ZMIZ1: variants seen among roughly 807,000 people sequenced by gnomAD.
ZMIZ1 encodes the protein zinc finger MIZ domain-containing protein 1.
In ZMIZ1, 17 loss-of-function variants were observed where a neutral mutation model predicts 113.9. The observed-to-expected ratio is 0.15, with a 90% confidence interval of 0.10 to 0.22. The LOEUF (loss-of-function observed/expected upper bound fraction) is 0.22. Among genes scored for constraint, ZMIZ1 ranks in the 10% least tolerant of loss-of-function variants. The pLI, the probability that ZMIZ1 is intolerant of heterozygous loss-of-function variation, is 1.00. For missense variants in ZMIZ1, 1,059 were observed against 1,477.8 expected, an observed-to-expected ratio of 0.72 and a Z score of 4.65; for synonymous variants, 607 against 603.1, an observed-to-expected ratio of 1.01 and a Z score of -0.09.
At chr10:79,251,432 G>A (rs556339116) in intron 7 of ZMIZ1, among the ~76,000 whole-genome samples, 13 of 152,240 alleles carry the variant, frequency 8.5e-5, no homozygotes, top group Admixed American at 3.3e-4. Flanking sequence ...TGTGGGAGGC[G>A]TGTTCCTCTG....
Position 79,296,604 on chromosome 10 carries a change from G to C in ZMIZ1, c.1364G>C (p.Ser455Thr). 6.2e-7 allele frequency: 1 copy of C among 1,609,194 alleles called. No individual in the cohort carries two copies. The highest frequency in any genetic ancestry group is 8.5e-7 in the Non-Finnish European group (1 of 1,177,402). ...YPGQRMPSQP[S>T]SGQYPPPTVN... The stretch of plus-strand genomic sequence containing the variant: ...GGACAGAGGATGCCCAGCCAGCCGA[G>C]CTCCGGGCAGTACCCGCCCCCCACG... The change falls in exon 13 of 25, where the codon AGC (serine) becomes ACC (threonine). Residue 455 changes from serine (S) to threonine (T), a missense_variant. Transcript: ENST00000334512. This position sits in a 1 kb window ranked among gnomAD's most constrained non-coding sequence, Gnocchi z 4.1.
intron 1 of ZMIZ1, among the ~76,000 whole-genome samples, chr10:79,072,975 C>T (rs772443335): frequency 5.8e-4 from 89 of 152,294 alleles, no homozygotes; most frequent in Admixed American, 1.6e-3. Flanking sequence ...AGCTCCGGGG[C>T]GTTCTGAGGT....
chr10:79,247,316 C>T (rs1564549308), intron 7 of ZMIZ1, among the ~76,000 whole-genome samples: 3 of 152,162 alleles, frequency 2.0e-5, no homozygotes, highest in African/African-American at 7.2e-5. Flanking sequence ...GGAGCCCTTC[C>T]AGGACCCATA....
At chr10:79,222,866 C>T (rs1424845539) in intron 7 of ZMIZ1, among the ~76,000 whole-genome samples, 1 of 152,198 alleles carries the variant, frequency 6.6e-6, no homozygotes, top group Non-Finnish European at 1.5e-5. Flanking sequence ...GGGAGAGGCA[C>T]AGGTGTCAGA....
intron 4 of ZMIZ1, among the ~76,000 whole-genome samples, chr10:79,165,996 GT>G (rs1167058604): frequency 1.9e-3 from 130 of 69,982 alleles, no homozygotes; most frequent in Non-Finnish European, 3.1e-3. Context: ...GTGTGTGTGT[GT>G]GTGTGGGCTC....
chr10:79,251,879 C>T (rs1850574082), intron 7 of ZMIZ1, among the ~76,000 whole-genome samples: 1 of 152,214 alleles, frequency 6.6e-6, no homozygotes, highest in African/African-American at 2.4e-5. Context: ...GCACCCAAAA[C>T]AGAGAAACGC....
intron 1 of ZMIZ1, among the ~76,000 whole-genome samples, chr10:79,094,210 G>A (rs577104853): frequency 6.6e-6 from 1 of 152,302 alleles, no homozygotes; most frequent in East Asian, 1.9e-4. Context: ...AAGCGAGCCG[G>A]GTGAGTCCGG....
At chr10:79,166,260 G>C (rs1379500684) in intron 4 of ZMIZ1, among the ~76,000 whole-genome samples, 1 of 152,208 alleles carries the variant, frequency 6.6e-6, no homozygotes, top group Non-Finnish European at 1.5e-5. Context: ...GCTGCACCAT[G>C]CCACTGTGTC....
At chr10:79,218,410 G>A (rs1277936027) in intron 7 of ZMIZ1, among the ~76,000 whole-genome samples, 1 of 152,084 alleles carries the variant, frequency 6.6e-6, no homozygotes, top group African/African-American at 2.4e-5. Flanking sequence ...GGGAGGTGGA[G>A]GTTGCAGTGA....
At chr10:79,244,654 A>T (rs1850083899) in intron 7 of ZMIZ1, among the ~76,000 whole-genome samples, 1 of 152,232 alleles carries the variant, frequency 6.6e-6, no homozygotes, top group Non-Finnish European at 1.5e-5. Flanking sequence ...CTCTTCCAGC[A>T]GGAAGGCTTT....
rs1170172745 is a variant in ZMIZ1, at chr10:79,243,306, A to G, written c.280+27032A>G. On this transcript the variant is annotated intron_variant, in intron 7 of 24. Transcript: ENST00000334512. The stretch of plus-strand genomic sequence containing the variant: ...GCCCCCGGCCCATCCCCGTCCCTGG[A>G]GAGCTGTCGCTTGCGCCCGGGCGCG... Among the ~76,000 whole-genome samples the G allele has an allele frequency of 2.0e-5, 3 of 149,802 alleles. No homozygotes were observed. The East Asian group carries it at 5.9e-4, about 29-fold the overall frequency.
At chr10:79,189,514 T>A (rs1388723651) in intron 4 of ZMIZ1, among the ~76,000 whole-genome samples, 1 of 152,178 alleles carries the variant, frequency 6.6e-6, no homozygotes, top group Non-Finnish European at 1.5e-5. Flanking sequence ...TGGTTACTGT[T>A]GTTATTATTT....
intron 2 of ZMIZ1, among the ~76,000 whole-genome samples, chr10:79,127,185 CATGCCAGTGCCAGGCATGCTGCCGGCGCT>C (rs2132354599): frequency 6.6e-6 from 1 of 152,308 alleles, no homozygotes; most frequent in Admixed American, 6.5e-5. Flanking sequence ...GAGGAAATGC[CATGCCAGTGCCAGGCATGCTGCCGGCGCT>C]CTGGGTGCCT....
intron 3 of ZMIZ1, among the ~76,000 whole-genome samples, chr10:79,157,795 A>G (rs1845961382): frequency 6.6e-6 from 1 of 152,148 alleles, no homozygotes; most frequent in Admixed American, 6.5e-5. Context: ...TTGCTCCTGG[A>G]GCCAGCACTG....
intron 4 of ZMIZ1, among the ~76,000 whole-genome samples, chr10:79,178,904 C>T (rs950334340): frequency 3.3e-5 from 5 of 152,178 alleles, no homozygotes; most frequent in African/African-American, 4.8e-5. Context: ...CCTGCTCTCC[C>T]AAGCCAGGGC....
intron 2 of ZMIZ1, among the ~76,000 whole-genome samples, chr10:79,121,720 G>C (rs760375435): frequency 6.6e-6 from 1 of 152,150 alleles, no homozygotes; most frequent in Non-Finnish European, 1.5e-5. Flanking sequence ...GGTTCTGCTT[G>C]GCATGGGTGG....
In ZMIZ1 at chr10:79,292,239, G is replaced by A. The variant is rs375414407; in HGVS notation, c.840G>A (p.Ala280=). The A allele has an allele frequency of 1.7e-5, 28 of 1,612,064 alleles. No homozygotes were observed. Among genetic ancestry groups the A allele is most frequent in the Admixed American group, 3.3e-5 (2 of 59,964 alleles). ...CGCCTGCTGACTTCACTCAGCCCGC[G>A]GCAGCCGCTGCAGCAGCGGCAGTGG... ...TRPPADFTQP[A]AAAAAAAVAA... is the part of the protein sequence containing the mutation. The change falls in exon 11 of 25, where the codon GCG becomes GCA. Residue 280 remains alanine, a synonymous_variant. Transcript: ENST00000334512.
intron 2 of ZMIZ1, among the ~76,000 whole-genome samples, chr10:79,125,030 G>T (rs1301022819): frequency 6.6e-6 from 1 of 152,224 alleles, no homozygotes; most frequent in Non-Finnish European, 1.5e-5. Context: ...CAGGAACTGT[G>T]GCAGCAGGAA....
intron 3 of ZMIZ1, 96 bp downstream of exon 3, chr10:79,139,873 C>A (rs1207400638): frequency 5.0e-6 from 2 of 398,446 alleles, no homozygotes; most frequent in Non-Finnish European, 8.8e-6. Context: ...GTGGCTGGAC[C>A]AGAGCTGAGG....
Sources: gnomAD v4.1 joint callset for allele counts (sites outside exome capture counted in the v4.1 genomes callset) on GRCh38, gnomAD v4.1.1 for gene constraint, Gnocchi (gnomAD v3.1) non-coding constraint, MANE v1.5 for transcripts, NCBI Gene and HGNC (gene_info 2026-07-23, HGNC 2026-07-21) for gene names.